The following LINGO2 variants were observed in gnomAD, a reference collection of about 807,000 sequenced individuals.
LINGO2 encodes the protein leucine-rich repeat and immunoglobulin-like domain-containing nogo receptor-interacting protein 2.
A neutral mutation model predicts 30.6 loss-of-function variants in LINGO2; 14 were observed. The observed-to-expected ratio is 0.46, with a 90% confidence interval of 0.30 to 0.72. The LOEUF (loss-of-function observed/expected upper bound fraction) is 0.72, where lower values mean the gene tolerates loss of function less well. Among genes scored for constraint, LINGO2 ranks in the 30% least tolerant of loss-of-function variants. The pLI is 0.07. For synonymous variants in LINGO2, 317 were observed against 288.5 expected (o/e 1.10, Z -1.00); for missense variants, 729 against 751.7 (o/e 0.97, Z 0.35).
At chr9:28,226,664 AAAGAAAG>A (rs1821171408) in intron 4 of LINGO2, among the ~76,000 whole-genome samples, 1 of 92,824 alleles carries the variant, frequency 1.1e-5, no homozygotes, top group Non-Finnish European at 2.0e-5. Context: ...AGAAAGAAAG[AAAGAAAG>A]AAAGAAAGAA....
chr9:28,737,452 T>C, the LINGO2 span, among the ~76,000 whole-genome samples: 481 of 152,340 alleles, frequency 3.2e-3, 2 homozygotes, highest in African/African-American at 0.011. Context: ...TTACATGATA[T>C]TAGTAAAGTG....
At chr9:28,704,924 G>C in the LINGO2 span, among the ~76,000 whole-genome samples, 41,566 of 151,680 alleles carry the variant, frequency 0.27, 6,280 homozygotes, top group African/African-American at 0.4. Flanking sequence ...TTATTCAATT[G>C]CTTCAATCTG....
the LINGO2 span, among the ~76,000 whole-genome samples, chr9:29,025,624 G>A: frequency 6.6e-6 from 1 of 152,126 alleles, no homozygotes; most frequent in South Asian, 2.1e-4. Flanking sequence ...AATCAGGTTA[G>A]TGAATATATG....
At chr9:28,159,066 A>G (rs998290178) in intron 4 of LINGO2, among the ~76,000 whole-genome samples, 1 of 152,212 alleles carries the variant, frequency 6.6e-6, no homozygotes. Context: ...AGATTCTTAG[A>G]CAACTCACCA....
At chr9:27,980,712 T>G (rs1820813522) in intron 5 of LINGO2, among the ~76,000 whole-genome samples, 1 of 152,024 alleles carries the variant, frequency 6.6e-6, no homozygotes, top group Non-Finnish European at 1.5e-5. Context: ...ATGCACATGG[T>G]TTGATTTCAT....
the LINGO2 span, among the ~76,000 whole-genome samples, chr9:28,697,786 A>G: frequency 3.3e-5 from 5 of 152,026 alleles, no homozygotes; most frequent in African/African-American, 1.2e-4. Context: ...TAATCAGCTC[A>G]AAAAACCCCA....
At chr9:28,041,413 A>G (rs889321104) in intron 4 of LINGO2, among the ~76,000 whole-genome samples, 2 of 152,134 alleles carry the variant, frequency 1.3e-5, no homozygotes, top group African/African-American at 4.8e-5. Flanking sequence ...TTCTGTGTAT[A>G]AAACCTGCTC....
chr9:28,661,691 T>C (rs898629093), intron 1 of LINGO2, among the ~76,000 whole-genome samples: 3 of 152,250 alleles, frequency 2.0e-5, no homozygotes, highest in Admixed American at 2.0e-4. Context: ...ATTTGAGACA[T>C]GGAAATCTTC....
intron 4 of LINGO2, among the ~76,000 whole-genome samples, chr9:28,100,417 A>G (rs1330224628): frequency 6.6e-6 from 1 of 152,186 alleles, no homozygotes; most frequent in Admixed American, 6.6e-5. Context: ...TAGATAAATC[A>G]GAGTAAAATG....
chr9:28,588,837 C>G (rs1442289825), intron 1 of LINGO2, among the ~76,000 whole-genome samples: 2 of 152,020 alleles, frequency 1.3e-5, no homozygotes, highest in Admixed American at 1.3e-4. Flanking sequence ...GCAACTGCCT[C>G]CTATCCCCAC....
chr9:28,189,425 G>A (rs200370761), intron 4 of LINGO2, among the ~76,000 whole-genome samples: 9 of 18,308 alleles, frequency 4.9e-4, no homozygotes, highest in South Asian at 2.5e-3. Context: ...GGAAGGAAGG[G>A]AGGGAGGAAG....
intron 2 of LINGO2, among the ~76,000 whole-genome samples, chr9:28,404,627 T>C (rs966705895): frequency 4.6e-5 from 7 of 152,154 alleles, no homozygotes; most frequent in African/African-American, 1.7e-4. Flanking sequence ...ATGTTGCCTC[T>C]CCCTGGAATA....
At chr9:27,949,597 A>G in exon 6 of LINGO2, 1 of 1,614,072 alleles carries the variant, frequency 6.2e-7, no homozygotes, top group Non-Finnish European at 8.5e-7. Context: ...CGGCAGTCAC[A>G]GGCCAGAGGG....
chr9:28,344,048 G>C (rs1819467767), intron 3 of LINGO2, among the ~76,000 whole-genome samples: 3 of 152,022 alleles, frequency 2.0e-5, no homozygotes, highest in Admixed American at 2.0e-4. Context: ...TCGTCCCCCA[G>C]CTCTGCAAAC....
At chr9:27,983,988 G>T (rs1315689634) in intron 5 of LINGO2, among the ~76,000 whole-genome samples, 1 of 151,828 alleles carries the variant, frequency 6.6e-6, no homozygotes, top group Non-Finnish European at 1.5e-5. Flanking sequence ...ACAGAAAAGG[G>T]GCAGAGTAGA....
At chr9:28,758,967 G>A in the LINGO2 span, among the ~76,000 whole-genome samples, 2 of 151,930 alleles carry the variant, frequency 1.3e-5, no homozygotes, top group Non-Finnish European at 2.9e-5. Context: ...CTTCATGTTT[G>A]TTATCTTTAT....
intron 1 of LINGO2, among the ~76,000 whole-genome samples, chr9:28,573,472 G>T (rs1329528805): frequency 6.6e-6 from 1 of 152,022 alleles, no homozygotes; most frequent in Non-Finnish European, 1.5e-5. Context: ...ATAAATTCCT[G>T]TAATTATGTT....
the LINGO2 span, among the ~76,000 whole-genome samples, chr9:29,007,594 A>G: frequency 6.6e-6 from 1 of 152,018 alleles, no homozygotes; most frequent in African/African-American, 2.4e-5. Context: ...GGACAGAAAG[A>G]CAGGTCACAA....
At chr9:29,151,856 CAAAT>C in the LINGO2 span, among the ~76,000 whole-genome samples, 2 of 152,066 alleles carry the variant, frequency 1.3e-5, no homozygotes, top group Admixed American at 6.6e-5. Flanking sequence ...AGAAAACAAA[CAAAT>C]AAATTCTGAA....
Sources: allele counts gnomAD v4.1 joint callset (sites outside exome capture counted in the v4.1 genomes callset), GRCh38; gene constraint gnomAD v4.1.1; transcripts MANE v1.5; gene names NCBI Gene and HGNC (gene_info 2026-07-23, HGNC 2026-07-21).